Variants in SIPA1L1 observed in about 807,000 individuals in gnomAD.
The protein encoded by SIPA1L1 is signal-induced proliferation-associated 1-like protein 1.
SIPA1L1 carries 26 observed loss-of-function variants against 162.7 expected under a neutral mutation model. That is an observed-to-expected ratio of 0.16 (90% CI 0.12 to 0.22). The LOEUF (loss-of-function observed/expected upper bound fraction) is 0.22, where lower values mean the gene tolerates loss of function less well. Among genes scored for constraint, SIPA1L1 ranks in the 10% least tolerant of loss-of-function variants. SIPA1L1 has a pLI of 1.00. For missense variants in SIPA1L1, 1,874 were observed against 2,241.0 expected, an observed-to-expected ratio of 0.84 and a Z score of 3.31; for synonymous variants, 829 against 837.4, an observed-to-expected ratio of 0.99 and a Z score of 0.17.
chr14:71,624,267 T>C (rs758283147), intron 7 of SIPA1L1, 31 bp downstream of exon 7: 2 of 1,568,136 alleles, frequency 1.3e-6, no homozygotes, highest in Admixed American at 3.6e-5. Flanking sequence ...AGAGCATTCT[T>C]GCTCAGGTTT....
chr14:71,546,751 A>G (rs775630633), intron 4 of SIPA1L1, among the ~76,000 whole-genome samples: 6 of 152,178 alleles, frequency 3.9e-5, no homozygotes, highest in Non-Finnish European at 5.9e-5. Context: ...ATACAAGTTG[A>G]TGAAACATGG....
At chr14:71,607,301 A>G (rs1344660989) in intron 5 of SIPA1L1, among the ~76,000 whole-genome samples, 2 of 150,570 alleles carry the variant, frequency 1.3e-5, no homozygotes, top group African/African-American at 4.9e-5. Flanking sequence ...TGGTGTGGTG[A>G]CTATTAGTGT....
chr14:71,358,779 A>G (rs1328969713), intron 2 of SIPA1L1, among the ~76,000 whole-genome samples: 1 of 152,194 alleles, frequency 6.6e-6, no homozygotes, highest in African/African-American at 2.4e-5. Flanking sequence ...ACTTTTAGTC[A>G]TGGCAGAGGG....
chr14:71,648,029 C>A (rs2042318690), intron 7 of SIPA1L1, among the ~76,000 whole-genome samples: 1 of 152,142 alleles, frequency 6.6e-6, no homozygotes, highest in Non-Finnish European at 1.5e-5. Context: ...GTGGCTCATG[C>A]CTGTAATCCC....
intron 2 of SIPA1L1, among the ~76,000 whole-genome samples, chr14:71,431,090 TG>T (rs1208300682): frequency 3.9e-5 from 6 of 152,336 alleles, no homozygotes; most frequent in Admixed American, 3.9e-4. Flanking sequence ...TTTCAGTTGA[TG>T]AGATAATTAA....
chr14:71,326,914 G>A (rs980976542), intron 2 of SIPA1L1, among the ~76,000 whole-genome samples: 1 of 150,878 alleles, frequency 6.6e-6, no homozygotes, highest in Admixed American at 6.6e-5. Flanking sequence ...GTTTCGCCAT[G>A]TTGGCCAGGC....
intron 12 of SIPA1L1, among the ~76,000 whole-genome samples, chr14:71,678,713 G>A (rs1359807578): frequency 6.6e-6 from 1 of 151,856 alleles, no homozygotes. Flanking sequence ...CAGAAGGAAT[G>A]GTACCAGCTC....
At chr14:71,604,103 TC>T (rs975795903) in intron 5 of SIPA1L1, among the ~76,000 whole-genome samples, 6 of 150,222 alleles carry the variant, frequency 4.0e-5, no homozygotes, top group African/African-American at 1.5e-4. Flanking sequence ...GCTCAAGTGA[TC>T]CTCCTGCCTC....
intron 13 of SIPA1L1, among the ~76,000 whole-genome samples, chr14:71,688,907 A>C (rs2081061538): frequency 6.6e-6 from 1 of 152,180 alleles, no homozygotes; most frequent in East Asian, 1.9e-4. Flanking sequence ...TTAACCATAG[A>C]GAAACCAGCT....
At chr14:71,710,641 C>T (rs1388503085) in intron 17 of SIPA1L1, among the ~76,000 whole-genome samples, 1 of 152,000 alleles carries the variant, frequency 6.6e-6, no homozygotes, top group African/African-American at 2.4e-5. Flanking sequence ...AACCCCGTCT[C>T]TACTAAAAGT....
chr14:71,516,948 G>A (rs1479404535), intron 3 of SIPA1L1, among the ~76,000 whole-genome samples: 1 of 152,112 alleles, frequency 6.6e-6, no homozygotes, highest in Non-Finnish European at 1.5e-5. Context: ...ACTCCAGCTG[G>A]GGCAACAGAA....
intron 2 of SIPA1L1, among the ~76,000 whole-genome samples, chr14:71,468,800 A>G (rs945957652): frequency 3.3e-5 from 5 of 152,240 alleles, no homozygotes; most frequent in East Asian, 1.9e-4. Flanking sequence ...CTTGGAGGAC[A>G]GGAGCTATAT....
chr14:71,650,323 C>A lies in SIPA1L1; in HGVS notation c.1819-12C>A. The A allele has an allele frequency of 6.2e-7, 1 of 1,613,818 alleles. No homozygotes were observed. The highest frequency in any genetic ancestry group is 8.5e-7 in the Non-Finnish European group (1 of 1,179,748). On this transcript the variant is annotated splice_polypyrimidine_tract_variant and intron_variant, in intron 7 of 23. Transcript: ENST00000381232. The stretch of plus-strand genomic sequence containing the variant: ...CCTATATTTATATGCATCGTATTAC[C>A]TGCCTTCACAGCTGAACTACCAGCA...
At chr14:71,634,918 A>C (rs1223935402) in intron 7 of SIPA1L1, among the ~76,000 whole-genome samples, 1 of 151,740 alleles carries the variant, frequency 6.6e-6, no homozygotes, top group Non-Finnish European at 1.5e-5. Flanking sequence ...CCTGGGCAAC[A>C]GAGTGAGACT....
intron 2 of SIPA1L1, among the ~76,000 whole-genome samples, chr14:71,413,793 A>T (rs1245643370): frequency 6.6e-6 from 1 of 152,236 alleles, no homozygotes; most frequent in African/African-American, 2.4e-5. Context: ...ATTACCAATT[A>T]AAGAAGGTTT....
intron 2 of SIPA1L1, among the ~76,000 whole-genome samples, chr14:71,338,339 C>T (rs989050594): frequency 1.3e-5 from 2 of 152,210 alleles, no homozygotes; most frequent in African/African-American, 2.4e-5. Context: ...TACCTTTTGT[C>T]TTCTCAGGCC....
intron 2 of SIPA1L1, among the ~76,000 whole-genome samples, chr14:71,492,345 A>T (rs2049351508): frequency 6.6e-6 from 1 of 152,152 alleles, no homozygotes; most frequent in Admixed American, 6.6e-5. Flanking sequence ...TTCCAACAGC[A>T]TAAAGGGTCA....
intron 3 of SIPA1L1, among the ~76,000 whole-genome samples, chr14:71,527,239 C>T (rs967482149): frequency 3.3e-5 from 5 of 152,204 alleles, no homozygotes; most frequent in Non-Finnish European, 7.3e-5. Flanking sequence ...CCTCGAACTC[C>T]TGGGGACAAG....
intron 13 of SIPA1L1, among the ~76,000 whole-genome samples, chr14:71,691,654 C>T (rs1002240212): frequency 6.6e-6 from 1 of 152,106 alleles, no homozygotes; most frequent in Admixed American, 6.6e-5. Context: ...GTCACCACCC[C>T]CATCCCTAGG....
Sources: gnomAD v4.1 joint callset for allele counts (sites outside exome capture counted in the v4.1 genomes callset) on GRCh38, gnomAD v4.1.1 for gene constraint, MANE v1.5 for transcripts, NCBI Gene and HGNC (gene_info 2026-07-23, HGNC 2026-07-21) for gene names.